The following DERA variants were observed in gnomAD, a reference collection of about 807,000 sequenced individuals.
DERA encodes the protein 2-deoxy-D-ribose 5-phosphate aldolase.
In DERA, 15 loss-of-function variants were observed where a neutral mutation model predicts 41.1. The ratio of observed to expected loss-of-function variants is 0.37; its 90% CI spans 0.24 to 0.56. DERA has a LOEUF of 0.56. Ranked by LOEUF, DERA falls within the 20% of genes least tolerant of loss-of-function variation. DERA has a pLI of 0.81. For synonymous variants in DERA, 139 were observed against 137.4 expected (o/e 1.01, Z -0.08); for missense variants, 396 against 403.4 (o/e 0.98, Z 0.16).
rs1178176862 is a variant in DERA, at chr12:15,936,980, C to G, written c.32-19956C>G. 6.6e-6 allele frequency among the ~76,000 whole-genome samples: 1 copy of G among 151,382 alleles called. No homozygotes were observed. Among genetic ancestry groups the G allele is most frequent in the Non-Finnish European group, 1.5e-5 (1 of 67,944 alleles). On this transcript the variant is annotated intron_variant, in intron 1 of 8. Transcript: ENST00000428559. This position sits in a 1 kb window ranked among gnomAD's most constrained non-coding sequence, Gnocchi z 4.6. ...CCTGCCCTGCCCTGCCCTGTCTTGT[C>G]TTTCTTTTTTGAGATAGTATCTTGC...
Position 16,001,110 on chromosome 12 carries a change from G to A in DERA, c.637+18674G>A, listed in dbSNP as rs996382484. ...TCATTTTCATTTTCTGTCCATAAAC[G>A]CATACCCAGGCAGAGCTGATACTCT... is the stretch of plus-strand genomic sequence containing the variant. On this transcript the variant is annotated intron_variant, in intron 6 of 8. Transcript: ENST00000428559. The surrounding 1 kb of genome is among the most constrained non-coding windows in gnomAD (Gnocchi z 4.1). 2.6e-5 allele frequency among the ~76,000 whole-genome samples: 4 copies of A among 151,970 alleles called. No individual in the cohort carries two copies. The highest frequency in any genetic ancestry group is 2.1e-4 in the South Asian group (1 of 4,816).
intron 5 of DERA, among the ~76,000 whole-genome samples, chr12:15,978,120 A>C (rs890410178): frequency 6.6e-6 from 1 of 152,174 alleles, no homozygotes; most frequent in Non-Finnish European, 1.5e-5. Context: ...TAAAGGACAT[A>C]ATTTGAGATT....
chr12:15,939,686 A>T (rs942619929), intron 1 of DERA, among the ~76,000 whole-genome samples: 3 of 152,074 alleles, frequency 2.0e-5, no homozygotes, highest in African/African-American at 4.8e-5. Flanking sequence ...TAAAGGCCTC[A>T]TTTAGAAGAT....
At position 15,936,235 on chromosome 12, in the gene DERA, C is replaced by G. The variant is rs748676931; in HGVS notation, c.32-20701C>G. The stretch of plus-strand genomic sequence containing the variant: ...CATTGTGGGTCATTTTTGAGGCTAG[C>G]TACCCGTTTCCCTTATTTGCTATGT... On this transcript the variant is annotated intron_variant, in intron 1 of 8. Coordinates refer to ENST00000428559, the MANE Select transcript of DERA (RefSeq NM_015954.4). This position sits in a 1 kb window ranked among gnomAD's most constrained non-coding sequence, Gnocchi z 4.6. Among the ~76,000 whole-genome samples, 4 of 152,176 alleles carry G rather than the reference C, an allele frequency of 2.6e-5. No individual in the cohort carries two copies. The highest frequency in any genetic ancestry group is 1.3e-4 in the Admixed American group (2 of 15,270).
chr12:16,030,906 G>T (rs1949088235), intron 6 of DERA, among the ~76,000 whole-genome samples: 2 of 152,194 alleles, frequency 1.3e-5, no homozygotes, highest in Non-Finnish European at 1.5e-5. Flanking sequence ...CTCCCAGGCA[G>T]CCTTACAGAC....
In DERA at chr12:16,013,565, T is replaced by C. The variant is rs900229562; in HGVS notation, c.638-18977T>C. Among the ~76,000 whole-genome samples, 6 of 152,368 alleles carry C rather than the reference T, an allele frequency of 3.9e-5. No individual in the cohort carries two copies. Among genetic ancestry groups the C allele is most frequent in the Middle Eastern group, 3.4e-3 (1 of 294 alleles). On this transcript the variant is annotated intron_variant, in intron 6 of 8. Transcript: ENST00000428559. The surrounding 1 kb of genome is among the most constrained non-coding windows in gnomAD (Gnocchi z 5.8). ...CAGCCATGCTGAACTGTGAGTCAGT[T>C]AAACTTCTTTCCTTTATAAATTACC... is the stretch of plus-strand genomic sequence containing the variant.
intron 1 of DERA, among the ~76,000 whole-genome samples, chr12:15,927,695 A>C (rs748618320): frequency 6.6e-6 from 1 of 152,190 alleles, no homozygotes; most frequent in Admixed American, 6.5e-5. Context: ...GCTGTAGTGT[A>C]TGTGGTTCCG....
rs1487392481 is a variant in DERA at position 16,036,135 on chromosome 12, G to A, written c.751-97G>A. On this transcript the variant is annotated intron_variant, in intron 7 of 8. Coordinates refer to ENST00000428559, the MANE Select transcript of DERA (RefSeq NM_015954.4). The surrounding 1 kb of genome is among the most constrained non-coding windows in gnomAD (Gnocchi z 4.9). ...GAAAAGATTTTTTTTCAACAAAAGA[G>A]GGAGAGAGAGAATCAAGACTCTGAT... is the stretch of plus-strand genomic sequence containing the variant. 1 of 1,149,772 alleles carries A rather than the reference G, an allele frequency of 8.7e-7. No individual in the cohort carries two copies. Among genetic ancestry groups the A allele is most frequent in the Non-Finnish European group, 1.1e-6 (1 of 879,862 alleles). 71.2% of individuals were successfully genotyped at this position (1,149,772 alleles called of 1,614,324 possible). A position where few individuals can be genotyped will look rare whatever the true frequency, so the allele number is the denominator to read the frequency against.
rs950402375 is a variant in DERA at position 15,983,445 on chromosome 12, G to A, written c.637+1009G>A. Reference sequence around the variant, plus strand: ...TTGTACGTTCTGTGCCTCCTGCCCGGAATGCCTTTTGCCCAAATAACTCCA... The same window carrying A: ...TTGTACGTTCTGTGCCTCCTGCCCGAAATGCCTTTTGCCCAAATAACTCCA... On this transcript the variant is annotated intron_variant, in intron 6 of 8. Transcript: ENST00000428559. The surrounding 1 kb of genome is among the most constrained non-coding windows in gnomAD (Gnocchi z 6.2). 2.8e-4 allele frequency among the ~76,000 whole-genome samples: 42 copies of A among 152,198 alleles called. 1 individual carries two copies. Among genetic ancestry groups the A allele is most frequent in the Middle Eastern group, 6.8e-3 (2 of 294 alleles).
intron 1 of DERA, among the ~76,000 whole-genome samples, chr12:15,914,658 A>T (rs1214837002): frequency 6.6e-6 from 1 of 152,190 alleles, no homozygotes; most frequent in Non-Finnish European, 1.5e-5. Flanking sequence ...AGGCGTCTGG[A>T]GAATGCGGGT....
intron 1 of DERA, among the ~76,000 whole-genome samples, chr12:15,952,545 A>G (rs1948506455): frequency 6.6e-6 from 1 of 152,218 alleles, no homozygotes; most frequent in Non-Finnish European, 1.5e-5. Flanking sequence ...AAAAAAAATA[A>G]AAAGGAACAG....
In DERA at chr12:16,012,115, AAGTACTAGCATAG is replaced by A. The variant is rs1413111006; in HGVS notation, c.638-20423_638-20411del. ...ACTGCTGTGTATGCACTTTATAGAA[AAGTACTAGCATAG>A]AGTGGGTGCTCAGTAAGTGTTAGTT... On this transcript the variant is annotated intron_variant, in intron 6 of 8. Transcript: ENST00000428559. The surrounding 1 kb of genome is among the most constrained non-coding windows in gnomAD (Gnocchi z 4.1). 2.0e-5 allele frequency among the ~76,000 whole-genome samples: 3 copies of A among 152,352 alleles called. No individual in the cohort carries two copies. The highest frequency in any genetic ancestry group is 3.9e-4 in the East Asian group (2 of 5,190).
chr12:15,980,260 T>C (rs2136160954), intron 5 of DERA, among the ~76,000 whole-genome samples: 1 of 152,352 alleles, frequency 6.6e-6, no homozygotes, highest in Admixed American at 6.5e-5. Context: ...GAGCTGATGC[T>C]GACAGAAATA....
intron 5 of DERA, among the ~76,000 whole-genome samples, chr12:15,977,646 C>T (rs3741806): frequency 0.62 from 94,738 of 151,964 alleles, 29,890 homozygotes; most frequent in East Asian, 0.82. Flanking sequence ...TTAGTAGAGA[C>T]GGGGTTTCAC....
At chr12:15,974,706 T>A (rs1360773110) in intron 5 of DERA, among the ~76,000 whole-genome samples, 2 of 152,198 alleles carry the variant, frequency 1.3e-5, no homozygotes, top group African/African-American at 4.8e-5. Context: ...TATGTTAATA[T>A]CCTTTTCCTC....
In DERA at chr12:15,957,974, A is replaced by C. The variant is rs1264552891; in HGVS notation, c.130-214A>C. ...TGGGAGAAAAAAAATGTTTAAGCCTACTCTTCCTCCCTTTTATTTTGGGCA... is the reference window on the plus strand; with the variant it reads ...TGGGAGAAAAAAAATGTTTAAGCCTCCTCTTCCTCCCTTTTATTTTGGGCA... On this transcript the variant is annotated intron_variant, in intron 2 of 8. Coordinates refer to ENST00000428559, the MANE Select transcript of DERA (RefSeq NM_015954.4). The surrounding 1 kb of genome is among the most constrained non-coding windows in gnomAD (Gnocchi z 4.8). 6.6e-6 allele frequency among the ~76,000 whole-genome samples: 1 copy of C among 151,356 alleles called. No individual in the cohort carries two copies. Among genetic ancestry groups the C allele is most frequent in the Non-Finnish European group, 1.5e-5 (1 of 67,812 alleles).
At chr12:15,958,672 G>A (rs1948560185) in intron 3 of DERA, among the ~76,000 whole-genome samples, 1 of 152,040 alleles carries the variant, frequency 6.6e-6, no homozygotes, top group South Asian at 2.1e-4. Context: ...ACGTGAAAAA[G>A]CCAGTCTCAT....
At chr12:15,947,263 G>T (rs1356433218) in intron 1 of DERA, among the ~76,000 whole-genome samples, 2 of 152,166 alleles carry the variant, frequency 1.3e-5, no homozygotes, top group Non-Finnish European at 2.9e-5. Context: ...GGATATCCTT[G>T]TTAACTTTCT....
chr12:15,933,473 T>C (rs1325549717), intron 1 of DERA, among the ~76,000 whole-genome samples: 1 of 152,220 alleles, frequency 6.6e-6, no homozygotes, highest in Non-Finnish European at 1.5e-5. Context: ...ATGTTTGTTA[T>C]ACCAAATTGG....
Sources: gnomAD v4.1 joint callset for allele counts (sites outside exome capture counted in the v4.1 genomes callset) on GRCh38, gnomAD v4.1.1 for gene constraint, Gnocchi (gnomAD v3.1) non-coding constraint, MANE v1.5 for transcripts, NCBI Gene and HGNC (gene_info 2026-07-23, HGNC 2026-07-21) for gene names.